Variants in GLDC observed in about 807,000 individuals in gnomAD.
The protein encoded by GLDC is glycine dehydrogenase (decarboxylating), mitochondrial.
A neutral mutation model predicts 121.3 loss-of-function variants in GLDC; 104 were observed. The ratio of observed to expected loss-of-function variants is 0.86; its 90% CI spans 0.73 to 1.01. The LOEUF is 1.01. Among genes scored for constraint, GLDC ranks in the 50% least tolerant of loss-of-function variants. The pLI is 0.00. For missense variants in GLDC, 1,429 were observed against 1,306.6 expected, an observed-to-expected ratio of 1.09 and a Z score of -1.44; for synonymous variants, 546 against 480.6, an observed-to-expected ratio of 1.14 and a Z score of -1.78.
intron 15 of GLDC, among the ~76,000 whole-genome samples, chr9:6,577,081 C>A: frequency 6.6e-6 from 1 of 152,178 alleles, no homozygotes; most frequent in East Asian, 1.9e-4. Context: ...AGAACAAAAG[C>A]CTTCTGTGCG....
At chr9:6,635,568 C>G (rs1456102156) in intron 2 of GLDC, among the ~76,000 whole-genome samples, 2 of 152,130 alleles carry the variant, frequency 1.3e-5, no homozygotes. Flanking sequence ...AAGACCCTGT[C>G]TCTAAATAAT....
At position 6,642,656 on chromosome 9, in the gene GLDC, A is replaced by T. The variant is rs187238737; in HGVS notation, c.334+1958T>A. Among the ~76,000 whole-genome samples, 8 of 152,336 alleles carry T rather than the reference A, an allele frequency of 5.3e-5. No individual in the cohort carries two copies. The East Asian group carries it at 1.5e-3, about 29-fold the overall frequency. On this transcript the variant is annotated intron_variant, in intron 2 of 24. Coordinates refer to ENST00000321612, the MANE Select transcript of GLDC (RefSeq NM_000170.3). ...TTCAAATTATTCAGCTGGAACCAAGAACTAAACTAAAAAAGGATACACAAC... is the reference window on the plus strand; with the variant it reads ...TTCAAATTATTCAGCTGGAACCAAGTACTAAACTAAAAAAGGATACACAAC...
At chr9:6,608,725 G>A (rs990968828) in intron 4 of GLDC, among the ~76,000 whole-genome samples, 8 of 151,952 alleles carry the variant, frequency 5.3e-5, no homozygotes, top group Non-Finnish European at 1.0e-4. Context: ...CAGCCCGGGC[G>A]AAAGAGCGAG....
intron 16 of GLDC, among the ~76,000 whole-genome samples, chr9:6,562,297 A>C (rs919822094): frequency 6.6e-6 from 1 of 152,216 alleles, no homozygotes; most frequent in East Asian, 1.9e-4. Flanking sequence ...CCTAAGAGAA[A>C]ATGTGAAAAT....
intron 18 of GLDC, 66 bp downstream of exon 18, chr9:6,556,087 T>A (rs76421428): frequency 2.0e-6 from 1 of 496,002 alleles, no homozygotes. Flanking sequence ...GAAGTCAGAA[T>A]TTTTTTTTTT....
intron 19 of GLDC, 112 bp downstream of exon 19, chr9:6,554,557 C>G: frequency 1.2e-6 from 1 of 807,758 alleles, no homozygotes; most frequent in Non-Finnish European, 2.1e-6. Context: ...TGCACTACAC[C>G]GATGAGGGTA....
chr9:6,595,073 G>C lies in GLDC; in HGVS notation c.1202C>G (p.Ser401Cys). Residue 401 changes from serine (S) to cysteine (C), a missense_variant, in exon 9 of 25, where the codon TCC (serine) becomes TGC (cysteine). Transcript: ENST00000321612. Reference protein sequence around the residue: ...MAAMFAIYHGSHGLEHIARRV... With the variant: ...MAAMFAIYHGCHGLEHIARRV... ...CCTAGCAATATGCTCCAGCCCATGG[G>C]AACCATGGTAGATTGCAAACATGGC... 2 of 1,613,300 alleles carry C rather than the reference G, an allele frequency of 1.2e-6. No individual in the cohort carries two copies. The highest frequency in any genetic ancestry group is 1.3e-5 in the African/African-American group (1 of 75,036).
intron 15 of GLDC, among the ~76,000 whole-genome samples, chr9:6,575,649 C>A (rs1818051011): frequency 6.6e-6 from 1 of 152,366 alleles, no homozygotes; most frequent in Non-Finnish European, 1.5e-5. Flanking sequence ...TTAACAATCA[C>A]AGTTTGCAGT....
In GLDC at chr9:6,592,936, T is replaced by C; in HGVS notation, c.1316A>G (p.Lys439Arg). 1 of 1,614,114 alleles carries C rather than the reference T, an allele frequency of 6.2e-7. No homozygotes were observed. Among genetic ancestry groups the C allele is most frequent in the East Asian group, 2.2e-5 (1 of 44,884 alleles). ...LQHDLFFDTLKIQCGCSVKEV... is the reference protein window; with the variant it reads ...LQHDLFFDTLRIQCGCSVKEV... Reference sequence around the variant, plus strand: ...CTTCACTGAGCAGCCACACTGAATCTTCAAGGTATCAAAGAACAGGTCATG... The same window carrying C: ...CTTCACTGAGCAGCCACACTGAATCCTCAAGGTATCAAAGAACAGGTCATG... The change falls in exon 10 of 25, where the codon AAG (lysine) becomes AGG (arginine). Residue 439 changes from lysine (K) to arginine (R), a missense_variant. By Grantham distance (26) the Lys-to-Arg change is conservative. Transcript: ENST00000321612.
chr9:6,603,328 T>C (rs1230981338), intron 7 of GLDC, among the ~76,000 whole-genome samples: 1 of 151,906 alleles, frequency 6.6e-6, no homozygotes, highest in African/African-American at 2.4e-5. Context: ...ATTTAAAGTA[T>C]ACAGAGGCCA....
chr9:6,544,847 C>T (rs934721102), intron 21 of GLDC, among the ~76,000 whole-genome samples: 1 of 152,086 alleles, frequency 6.6e-6, no homozygotes, highest in African/African-American at 2.4e-5. Context: ...CACCTGTAAT[C>T]CCAGCACTTT....
At chr9:6,554,327 C>G (rs1268818656) in intron 19 of GLDC, among the ~76,000 whole-genome samples, 1 of 152,112 alleles carries the variant, frequency 6.6e-6, no homozygotes, top group African/African-American at 2.4e-5. Context: ...GCTAGGAAAT[C>G]CAAAAGTCCG....
chr9:6,644,772 G>T, intron 1 of GLDC, 80 bp from the exon 2 acceptor site: 1 of 936,316 alleles, frequency 1.1e-6, no homozygotes, highest in Non-Finnish European at 1.8e-6. Flanking sequence ...ACAAAGCCTT[G>T]TGGGAACCTC....
intron 8 of GLDC, among the ~76,000 whole-genome samples, chr9:6,597,551 T>C (rs1472134293): frequency 1.3e-5 from 2 of 151,526 alleles, no homozygotes; most frequent in Admixed American, 6.6e-5. Context: ...GGCAACAAAG[T>C]AAGACTCCCA....
intron 2 of GLDC, among the ~76,000 whole-genome samples, chr9:6,628,469 C>G (rs1255080366): frequency 6.6e-6 from 1 of 152,042 alleles, no homozygotes; most frequent in Non-Finnish European, 1.5e-5. Flanking sequence ...GGAAAGAGAC[C>G]AAATGAGAAA....
At chr9:6,545,528 G>C (rs1213973659) in intron 21 of GLDC, among the ~76,000 whole-genome samples, 1 of 152,158 alleles carries the variant, frequency 6.6e-6, no homozygotes, top group Non-Finnish European at 1.5e-5. Context: ...GAACGGGAAG[G>C]TCTAGGACAT....
chr9:6,629,958 T>TATATATATATGTGTATATATATATATATA, intron 2 of GLDC, among the ~76,000 whole-genome samples: 1 of 78,680 alleles, frequency 1.3e-5, no homozygotes, highest in Non-Finnish European at 2.4e-5. Flanking sequence ...TATATATATA[T>TATATATATATGTGTATATATATATATATA]TTTTTTTTTT....
rs111819532 is a variant in GLDC, at chr9:6,612,253, T to TCA, written c.471-1899_471-1898dup. 5.4e-3 allele frequency among the ~76,000 whole-genome samples: 818 copies of TCA among 150,104 alleles called. 14 individuals carry two copies. Among genetic ancestry groups the TCA allele is most frequent in the African/African-American group, 0.018 (724 of 40,630 alleles). ...CACACACTCTTTCTCTCTCTCTCTCTCACACACACTCACACACATACACAT... is the reference window on the plus strand; with the variant it reads ...CACACACTCTTTCTCTCTCTCTCTCTCACACACACACTCACACACATACACAT... On this transcript the variant is annotated intron_variant, in intron 3 of 24. Transcript: ENST00000321612.
chr9:6,540,114 T>C lies in GLDC; in HGVS notation c.2602A>G (p.Arg868Gly). 6.2e-7 allele frequency: 1 copy of C among 1,613,132 alleles called. No individual in the cohort carries two copies. The highest frequency in any genetic ancestry group is 1.1e-5 in the South Asian group (1 of 91,062). The part of the protein sequence containing the change: ...YVGHEFILDT[R>G]PFKKSANIEA... ...ATATTTGCAGACTTTTTGAAGGGTCTCGTGTCCAAAATAAATTCATGACCC... is the reference window on the plus strand; with the variant it reads ...ATATTTGCAGACTTTTTGAAGGGTCCCGTGTCCAAAATAAATTCATGACCC... The change falls in exon 22 of 25, where the codon AGA (arginine) becomes GGA (glycine). Residue 868 changes from arginine (R) to glycine (G), a missense_variant. Physicochemically the swap from Arg to Gly is moderately radical, Grantham distance 125. Transcript: ENST00000321612.
Sources: gnomAD v4.1 joint callset for allele counts (sites outside exome capture counted in the v4.1 genomes callset) on GRCh38, gnomAD v4.1.1 for gene constraint, MANE v1.5 for transcripts, NCBI Gene and HGNC (gene_info 2026-07-23, HGNC 2026-07-21) for gene names.